The following SIRPG variants were observed in gnomAD, a reference collection of about 807,000 sequenced individuals.
SIRPG encodes the protein signal-regulatory protein gamma.
A neutral mutation model predicts 35.7 loss-of-function variants in SIRPG; 38 were observed. The ratio of observed to expected loss-of-function variants is 1.06; its 90% CI spans 0.82 to 1.40. The LOEUF (loss-of-function observed/expected upper bound fraction) is 1.40, where lower values mean the gene tolerates loss of function less well. Among genes scored for constraint, SIRPG ranks in the 40% most tolerant of loss-of-function variants. SIRPG has a pLI of 0.00. For missense variants in SIRPG, 519 were observed against 483.0 expected, an observed-to-expected ratio of 1.07 and a Z score of -0.70; for synonymous variants, 215 against 190.4, an observed-to-expected ratio of 1.13 and a Z score of -1.06.
the SIRPG span, chr20:1,670,196 T>A: frequency 7.7e-6 from 2 of 261,302 alleles, no homozygotes; most frequent in African/African-American, 4.6e-5. Context: ...GTTCACCTGG[T>A]TCCCTGCCTT....
the SIRPG span, among the ~76,000 whole-genome samples, chr20:1,679,474 T>G: frequency 1.3e-5 from 2 of 152,010 alleles, no homozygotes; most frequent in Admixed American, 6.6e-5. Context: ...GGTTTTTGTG[T>G]CCTCCACCCT....
At chr20:1,661,010 A>C (rs2091994418), upstream of SIRPG, among the ~76,000 whole-genome samples, 1 of 152,220 alleles carries the variant, frequency 6.6e-6, no homozygotes, top group African/African-American at 2.4e-5. Context: ...GTTTGTGATG[A>C]GAATTAAATG....
At chr20:1,629,964 C>T (rs924352381) in intron 5 of SIRPG, among the ~76,000 whole-genome samples, 4 of 152,210 alleles carry the variant, frequency 2.6e-5, no homozygotes, top group African/African-American at 9.7e-5. Flanking sequence ...CAAGGGACCA[C>T]CCACTCATCA....
At chr20:1,642,598 T>G (rs772178523) in intron 2 of SIRPG, among the ~76,000 whole-genome samples, 2 of 152,238 alleles carry the variant, frequency 1.3e-5, no homozygotes, top group African/African-American at 2.4e-5. Flanking sequence ...TGTGTGAATT[T>G]GATCCTGTCT....
chr20:1,651,656 T>C (rs2091940890), intron 1 of SIRPG, among the ~76,000 whole-genome samples: 1 of 152,128 alleles, frequency 6.6e-6, no homozygotes, highest in Non-Finnish European at 1.5e-5. Flanking sequence ...AGCAAATTCC[T>C]AGGAGATGCA....
At chr20:1,682,685 T>C in the SIRPG span, among the ~76,000 whole-genome samples, 8 of 152,300 alleles carry the variant, frequency 5.3e-5, no homozygotes, top group African/African-American at 1.9e-4. Flanking sequence ...AAATTGGAAC[T>C]TCATCTCATA....
At chr20:1,645,169 C>T (rs8116439) in intron 2 of SIRPG, among the ~76,000 whole-genome samples, 7,318 of 152,190 alleles carry the variant, frequency 0.048, 214 homozygotes, top group Middle Eastern at 0.065. Context: ...TCCTGAGGCC[C>T]GTACTGTGGG....
intron 3 of SIRPG, 131 bp from the exon 4 acceptor site, chr20:1,635,730 G>C: frequency 1.1e-6 from 1 of 931,916 alleles, no homozygotes; most frequent in Non-Finnish European, 1.6e-6. Flanking sequence ...CAGATGCTAA[G>C]ACATTGAGGG....
chr20:1,648,330 A>G (rs2091912543), intron 2 of SIRPG: 2 of 152,314 alleles, frequency 1.3e-5, no homozygotes, highest in Non-Finnish European at 2.9e-5. Flanking sequence ...CAAGGCTTCA[A>G]ATAGACCCAC....
At chr20:1,657,254 T>C (rs1021122643) in intron 1 of SIRPG, among the ~76,000 whole-genome samples, 1 of 152,206 alleles carries the variant, frequency 6.6e-6, no homozygotes, top group Non-Finnish European at 1.5e-5. Context: ...TGGTGCTTTG[T>C]TGTGGAAGCC....
intron 2 of SIRPG, among the ~76,000 whole-genome samples, chr20:1,645,004 C>G (rs1359959519): frequency 6.6e-6 from 1 of 152,182 alleles, no homozygotes; most frequent in East Asian, 1.9e-4. Flanking sequence ...CCCTGTCCTG[C>G]GTGACATCTT....
At chr20:1,629,997 G>A (rs1276494374) in intron 5 of SIRPG, among the ~76,000 whole-genome samples, 1 of 152,118 alleles carries the variant, frequency 6.6e-6, no homozygotes. Context: ...AACTCCTAGG[G>A]CACTGTGGAC....
At chr20:1,668,175 C>CTTTTCT in the SIRPG span, among the ~76,000 whole-genome samples, 4 of 85,668 alleles carry the variant, frequency 4.7e-5, no homozygotes, top group African/African-American at 1.6e-4. Flanking sequence ...CTTTTCTTTT[C>CTTTTCT]TTTCTTTCTT....
At chr20:1,679,082 A>G in the SIRPG span, among the ~76,000 whole-genome samples, 57,891 of 152,020 alleles carry the variant, frequency 0.38, 12,526 homozygotes, top group Admixed American at 0.49. Context: ...TCCAGGCCCA[A>G]ACTTCCCTGA....
At chr20:1,645,387 G>T (rs979537765) in intron 2 of SIRPG, among the ~76,000 whole-genome samples, 1 of 152,110 alleles carries the variant, frequency 6.6e-6, no homozygotes, top group Non-Finnish European at 1.5e-5. Flanking sequence ...ATTTTTAGGC[G>T]GATCCTGGGT....
the SIRPG span, among the ~76,000 whole-genome samples, chr20:1,676,263 A>T: frequency 1.3e-5 from 2 of 152,204 alleles, no homozygotes; most frequent in Admixed American, 1.3e-4. Context: ...ATGAAAACAC[A>T]CACACCCTCT....
chr20:1,656,601 T>C (rs558186182), intron 1 of SIRPG, among the ~76,000 whole-genome samples: 1 of 152,074 alleles, frequency 6.6e-6, no homozygotes, highest in Non-Finnish European at 1.5e-5. Flanking sequence ...GTCAGCTGCA[T>C]GGTCTGAAAA....
chr20:1,638,103 G>T (rs944442465), intron 2 of SIRPG, among the ~76,000 whole-genome samples: 7 of 152,210 alleles, frequency 4.6e-5, no homozygotes, highest in African/African-American at 1.7e-4. Context: ...GCTGTAACCA[G>T]TTGCCATTTA....
rs778329916 is a variant in SIRPG, at chr20:1,648,985, A to C, written c.430+67T>G. On this transcript the variant is annotated intron_variant, in intron 2 of 5. Coordinates refer to ENST00000303415, the MANE Select transcript of SIRPG (RefSeq NM_018556.4). The stretch of plus-strand genomic sequence containing the variant: ...ATCACACCTGATTGTTGCTCAAAGA[A>C]TGGAAGGTGTTACTATTGAGTTATT... The C allele has an allele frequency of 5.3e-5, 72 of 1,352,120 alleles. No homozygotes were observed. The Middle Eastern group carries it at 1.1e-3, about 21-fold the overall frequency. 83.8% of individuals were successfully genotyped at this position (1,352,120 alleles called of 1,614,324 possible).
Sources: allele counts gnomAD v4.1 joint callset (sites outside exome capture counted in the v4.1 genomes callset), GRCh38; gene constraint gnomAD v4.1.1; transcripts MANE v1.5; gene names NCBI Gene and HGNC (gene_info 2026-07-23, HGNC 2026-07-21).